The following ERI3 variants were observed in gnomAD, a reference collection of about 807,000 sequenced individuals.
ERI3 encodes ERI1 exoribonuclease family member 3.
A neutral mutation model predicts 44.4 loss-of-function variants in ERI3; 18 were observed. The ratio of observed to expected loss-of-function variants is 0.41; its 90% confidence interval spans 0.28 to 0.60. The LOEUF (loss-of-function observed/expected upper bound fraction) is 0.60, where lower values mean the gene tolerates loss of function less well. Among genes scored for constraint, ERI3 ranks in the 20% least tolerant of loss-of-function variants. The probability of loss-of-function intolerance (pLI) is 0.36; values close to 1 mark genes in which losing one functional copy is unlikely to be tolerated. For missense variants in ERI3, 294 were observed against 435.5 expected (o/e 0.68, Z 2.89); for synonymous variants, 183 against 164.8 (o/e 1.11, Z -0.84).
At chr1:44,286,567 G>A (rs540302244) in intron 6 of ERI3, among the ~76,000 whole-genome samples, 4 of 152,230 alleles carry the variant, frequency 2.6e-5, no homozygotes, top group South Asian at 4.2e-4. Context: ...AGCGAGGTGA[G>A]CAGAGGGCCC....
chr1:44,329,804 G>T (rs921889346), intron 3 of ERI3, among the ~76,000 whole-genome samples: 3 of 152,112 alleles, frequency 2.0e-5, no homozygotes, highest in Non-Finnish European at 2.9e-5. Context: ...TCTACTCAGA[G>T]TACCCCATTT....
chr1:44,263,239 T>C (rs769881253), intron 7 of ERI3, among the ~76,000 whole-genome samples: 2 of 152,170 alleles, frequency 1.3e-5, no homozygotes, highest in Non-Finnish European at 2.9e-5. Flanking sequence ...GTAACTGATG[T>C]TCATCCATGG....
chr1:44,251,193 A>G (rs1203451671), intron 7 of ERI3, among the ~76,000 whole-genome samples: 1 of 152,162 alleles, frequency 6.6e-6, no homozygotes, highest in Non-Finnish European at 1.5e-5. Flanking sequence ...CACACCTGCT[A>G]CCCCGCTGCA....
chr1:44,338,093 TA>T lies in ERI3; in HGVS notation c.489+951del, dbSNP rs550397767. ...CTCCTAGCAGCATTAACTTAAAAGC[TA>T]AAAGGTCTTTGAACACAGCTGGTGA... On this transcript the variant is annotated intron_variant, in intron 3 of 8. Transcript: ENST00000372257. 7.2e-4 allele frequency among the ~76,000 whole-genome samples: 110 copies of T among 152,254 alleles called. No homozygotes were observed. The South Asian group carries it at 7.9e-3, about 11-fold the overall frequency.
chr1:44,355,108 C>T lies in ERI3; in HGVS notation c.-82G>A. The stretch of plus-strand genomic sequence containing the variant: ...ACGTCTCCCTCGGCCTCAGCAAGCG[C>T]TCAGGGCAGTTGGCGGCGGCGGGCG... On this transcript the variant is annotated 5_prime_UTR_variant, in exon 1 of 9. Coordinates refer to ENST00000372257, the MANE Select transcript of ERI3 (RefSeq NM_024066.3). 8.0e-7 allele frequency: 1 copy of T among 1,248,438 alleles called. No homozygotes were observed. Among genetic ancestry groups the T allele is most frequent in the Non-Finnish European group, 1.0e-6 (1 of 990,440 alleles). 77.3% of individuals were successfully genotyped at this position (1,248,438 alleles called of 1,614,324 possible).
intron 5 of ERI3, among the ~76,000 whole-genome samples, chr1:44,312,746 T>C (rs1646000603): frequency 1.3e-5 from 2 of 152,228 alleles, no homozygotes; most frequent in Admixed American, 6.5e-5. Flanking sequence ...TGCGGAGTTC[T>C]GGGTGAGTTA....
At chr1:44,273,648 T>C (rs1478590634) in intron 7 of ERI3, among the ~76,000 whole-genome samples, 1 of 152,166 alleles carries the variant, frequency 6.6e-6, no homozygotes, top group Non-Finnish European at 1.5e-5. Context: ...AACAAAAACA[T>C]GTAAGCAGAT....
intron 8 of ERI3, among the ~76,000 whole-genome samples, chr1:44,227,624 C>T (rs1644076569): frequency 6.6e-6 from 1 of 151,748 alleles, no homozygotes; most frequent in African/African-American, 2.4e-5. Flanking sequence ...TATTTGTAAC[C>T]CTGTATTATC....
intron 6 of ERI3, among the ~76,000 whole-genome samples, chr1:44,290,633 G>C (rs550413147): frequency 8.9e-4 from 135 of 152,260 alleles, no homozygotes; most frequent in African/African-American, 3.1e-3. Context: ...GCACGTTCAG[G>C]CTACTCCAGC....
At chr1:44,224,026 G>T (rs1217014705) in intron 8 of ERI3, among the ~76,000 whole-genome samples, 1 of 152,164 alleles carries the variant, frequency 6.6e-6, no homozygotes, top group East Asian at 1.9e-4. Flanking sequence ...CCAGTGAATG[G>T]CACCATAATC....
intron 6 of ERI3, among the ~76,000 whole-genome samples, chr1:44,292,415 T>C (rs1358308706): frequency 6.6e-6 from 1 of 152,180 alleles, no homozygotes; most frequent in Non-Finnish European, 1.5e-5. Context: ...GACCACTTTA[T>C]ATTCAGGAGT....
At chr1:44,344,422 A>G (rs1286098834) in intron 2 of ERI3, among the ~76,000 whole-genome samples, 1 of 152,118 alleles carries the variant, frequency 6.6e-6, no homozygotes, top group Non-Finnish European at 1.5e-5. Context: ...GGCTCAAAGC[A>G]TCTCTCAGCC....
chr1:44,223,285 T>C (rs991859558), intron 8 of ERI3, among the ~76,000 whole-genome samples: 5 of 152,146 alleles, frequency 3.3e-5, no homozygotes, highest in Non-Finnish European at 5.9e-5. Context: ...CATTTGTCTC[T>C]CTTAGTGTGT....
intron 7 of ERI3, among the ~76,000 whole-genome samples, chr1:44,279,729 G>C (rs890308012): frequency 6.6e-6 from 1 of 151,970 alleles, no homozygotes; most frequent in African/African-American, 2.4e-5. Flanking sequence ...TAAATCCTGG[G>C]GTCATCATGG....
chr1:44,260,351 G>A (rs1572135428), intron 7 of ERI3, among the ~76,000 whole-genome samples: 1 of 152,240 alleles, frequency 6.6e-6, no homozygotes, highest in East Asian at 1.9e-4. Flanking sequence ...GCAGCAATTG[G>A]TTGGCTGGGA....
At chr1:44,279,745 T>A (rs943162451) in intron 7 of ERI3, among the ~76,000 whole-genome samples, 10 of 152,224 alleles carry the variant, frequency 6.6e-5, no homozygotes, top group African/African-American at 2.4e-4. Context: ...CATGGTCTCT[T>A]CCTTCATCCT....
chr1:44,282,951 C>T (rs1645319423), intron 7 of ERI3, among the ~76,000 whole-genome samples: 1 of 152,240 alleles, frequency 6.6e-6, no homozygotes, highest in Admixed American at 6.5e-5. Context: ...CCCTGAGTGA[C>T]AACGTTACCA....
intron 7 of ERI3, among the ~76,000 whole-genome samples, chr1:44,261,287 C>T (rs984901503): frequency 3.9e-5 from 6 of 152,278 alleles, no homozygotes; most frequent in African/African-American, 1.2e-4. Flanking sequence ...GGGCGCACAG[C>T]GCGGAGGAAG....
intron 2 of ERI3, among the ~76,000 whole-genome samples, chr1:44,346,626 A>G (rs1196371820): frequency 1.3e-5 from 2 of 152,152 alleles, no homozygotes; most frequent in African/African-American, 4.8e-5. Flanking sequence ...ACATTTGTAG[A>G]CAGCATCTGA....
Sources: allele counts gnomAD v4.1 joint callset (sites outside exome capture counted in the v4.1 genomes callset), GRCh38; gene constraint gnomAD v4.1.1; transcripts MANE v1.5; gene names NCBI Gene and HGNC (gene_info 2026-07-23, HGNC 2026-07-21).